Variants in DLC1 observed in about 807,000 individuals in gnomAD.
DLC1 encodes the protein DLC1 Rho GTPase activating protein.
DLC1 carries 54 observed loss-of-function variants against 140.3 expected under a neutral mutation model. The ratio of observed to expected loss-of-function variants is 0.38; its 90% confidence interval spans 0.31 to 0.48. The LOEUF (loss-of-function observed/expected upper bound fraction) is 0.48. DLC1 is among the 20% of genes least tolerant of loss of function. The pLI is 0.96. For synonymous variants in DLC1, 986 were observed against 728.1 expected (o/e 1.35, Z -5.70); for missense variants, 2,536 against 1,907.0 (o/e 1.33, Z -6.14).
intron 4 of DLC1, among the ~76,000 whole-genome samples, chr8:13,317,101 G>C (rs1025419856): frequency 1.3e-5 from 2 of 152,168 alleles, no homozygotes; most frequent in East Asian, 1.9e-4. Context: ...CTATATTTCA[G>C]AATGGGTCAA....
At position 13,187,526 on chromosome 8, in the gene DLC1, G is replaced by A. The variant is rs571460467; in HGVS notation, c.1349-71869C>T. On this transcript the variant is annotated intron_variant, in intron 5 of 17. Coordinates refer to ENST00000276297, the MANE Select transcript of DLC1 (RefSeq NM_182643.3). ...ACATACTCTGTGATTCTTTGAGGAC[G>A]GCATCCCAAGATGTGCAGAAAGATG... 4.6e-5 allele frequency among the ~76,000 whole-genome samples: 7 copies of A among 152,130 alleles called. No individual in the cohort carries two copies. The South Asian group carries it at 1.5e-3, about 32-fold the overall frequency.
At chr8:13,315,103 G>T (rs556078444) in intron 4 of DLC1, among the ~76,000 whole-genome samples, 1 of 152,304 alleles carries the variant, frequency 6.6e-6, no homozygotes. Context: ...AGAAGTTTAT[G>T]ACACTGAAGA....
intron 2 of DLC1, among the ~76,000 whole-genome samples, chr8:13,456,786 T>C (rs1408853144): frequency 6.6e-6 from 1 of 152,190 alleles, no homozygotes; most frequent in African/African-American, 2.4e-5. Context: ...GCAGGGCCTT[T>C]GGTTTGAATG....
intron 4 of DLC1, among the ~76,000 whole-genome samples, chr8:13,344,928 T>G (rs1201063422): frequency 6.6e-6 from 1 of 152,210 alleles, no homozygotes; most frequent in Non-Finnish European, 1.5e-5. Flanking sequence ...TCTAATTGTT[T>G]GATTATTTAA....
intron 4 of DLC1, among the ~76,000 whole-genome samples, chr8:13,351,553 C>T (rs1185507940): frequency 6.6e-6 from 1 of 152,104 alleles, no homozygotes; most frequent in Non-Finnish European, 1.5e-5. Flanking sequence ...ATAAAAATCA[C>T]AGAAAATAGA....
intron 5 of DLC1, among the ~76,000 whole-genome samples, chr8:13,167,465 T>C (rs921158888): frequency 1.3e-5 from 2 of 152,208 alleles, no homozygotes; most frequent in South Asian, 2.1e-4. Context: ...CTGGGGATTA[T>C]GGATTAAAAC....
intron 5 of DLC1, among the ~76,000 whole-genome samples, chr8:13,135,707 G>T (rs1277109016): frequency 2.6e-5 from 4 of 151,984 alleles, no homozygotes; most frequent in African/African-American, 9.7e-5. Context: ...TTGTTTGCTG[G>T]TTAAAGTTGT....
chr8:13,567,334 T>C (rs1804480498), intron 1 of DLC1: 1 of 1,551,522 alleles, frequency 6.4e-7, no homozygotes, highest in African/African-American at 1.4e-5. Context: ...CACTCGGGTA[T>C]CAGATGAAGA....
intron 1 of DLC1, among the ~76,000 whole-genome samples, chr8:13,531,131 T>A (rs1564545): frequency 0.13 from 19,264 of 152,082 alleles, 1,794 homozygotes; most frequent in East Asian, 0.38. Flanking sequence ...GAGGGTTGTT[T>A]CCTGGAACTG....
At chr8:13,521,653 C>CT (rs766496316) in intron 1 of DLC1, among the ~76,000 whole-genome samples, 28 of 152,136 alleles carry the variant, frequency 1.8e-4, no homozygotes, top group Non-Finnish European at 4.0e-4. Context: ...TCATCCCATA[C>CT]TTCACAATGC....
At chr8:13,420,302 C>T (rs1838256763) in intron 2 of DLC1, among the ~76,000 whole-genome samples, 1 of 151,954 alleles carries the variant, frequency 6.6e-6, no homozygotes, top group Admixed American at 6.6e-5. Flanking sequence ...TTTCTTATGT[C>T]CTCATAATAG....
intron 2 of DLC1, among the ~76,000 whole-genome samples, chr8:13,482,664 AG>A (rs1448717566): frequency 6.6e-6 from 1 of 152,194 alleles, no homozygotes; most frequent in Non-Finnish European, 1.5e-5. Flanking sequence ...GTAGAACTTA[AG>A]ATAAGTCAAT....
At chr8:13,404,033 G>C (rs944257553) in intron 2 of DLC1, among the ~76,000 whole-genome samples, 5 of 151,800 alleles carry the variant, frequency 3.3e-5, no homozygotes, top group African/African-American at 1.2e-4. Flanking sequence ...TTTATCCTAA[G>C]GTTATTTTTT....
chr8:13,132,286 C>T (rs1407983635), intron 5 of DLC1, among the ~76,000 whole-genome samples: 1 of 150,924 alleles, frequency 6.6e-6, no homozygotes, highest in Non-Finnish European at 1.5e-5. Flanking sequence ...GCTTGCTAAA[C>T]TACCCCAACA....
intron 5 of DLC1, among the ~76,000 whole-genome samples, chr8:13,275,008 C>T (rs1050019806): frequency 2.0e-5 from 3 of 152,106 alleles, no homozygotes; most frequent in Non-Finnish European, 1.5e-5. Context: ...ATTGGAAAGT[C>T]GTATTTCTTT....
In DLC1 at chr8:13,390,284, A is replaced by G. The variant is rs139448306; in HGVS notation, c.1314+3269T>C. On this transcript the variant is annotated intron_variant, in intron 4 of 17. Transcript: ENST00000276297. ...AGTGTAGCTTCATGCATGCCCCTGC[A>G]AAGGACATGGTCTCATTCCTTTTTA... Among the ~76,000 whole-genome samples, 23 of 152,364 alleles carry G rather than the reference A, an allele frequency of 1.5e-4. No homozygotes were observed. The East Asian group carries it at 4.2e-3, about 28-fold the overall frequency.
intron 5 of DLC1, among the ~76,000 whole-genome samples, chr8:13,124,896 C>G (rs1466570624): frequency 6.6e-6 from 1 of 152,206 alleles, no homozygotes; most frequent in African/African-American, 2.4e-5. Flanking sequence ...GAAACTGCTA[C>G]AAGAGATCCC....
intron 5 of DLC1, among the ~76,000 whole-genome samples, chr8:13,252,129 A>G (rs1586007723): frequency 6.6e-6 from 1 of 152,286 alleles, no homozygotes; most frequent in East Asian, 1.9e-4. Context: ...TTGTCATTGA[A>G]CTTGTCCTAA....
At chr8:13,412,897 A>T (rs967483308) in intron 2 of DLC1, among the ~76,000 whole-genome samples, 1 of 138,122 alleles carries the variant, frequency 7.2e-6, no homozygotes, top group Non-Finnish European at 1.5e-5. Flanking sequence ...GTGCCACTGC[A>T]CTCCAGTCTG....
Sources: allele counts gnomAD v4.1 joint callset (sites outside exome capture counted in the v4.1 genomes callset), GRCh38; gene constraint gnomAD v4.1.1; transcripts MANE v1.5; gene names NCBI Gene and HGNC (gene_info 2026-07-23, HGNC 2026-07-21).